IFT43: variants seen among roughly 807,000 people sequenced by gnomAD.
IFT43 encodes the protein intraflagellar transport 43, also known as intraflagellar transport protein 43 homolog.
In IFT43, 33 loss-of-function variants were observed where a neutral mutation model predicts 32.3. The ratio of observed to expected loss-of-function variants is 1.02; its 90% CI spans 0.77 to 1.37. The LOEUF is 1.37. IFT43 is among the 40% of genes most tolerant of loss of function. The pLI is 0.00. For synonymous variants in IFT43, 93 were observed against 98.2 expected (o/e 0.95, Z 0.31); for missense variants, 274 against 265.9 (o/e 1.03, Z -0.21).
chr14:76,058,035 A>G (rs1426215983), intron 3 of IFT43: 1 of 154,498 alleles, frequency 6.5e-6, no homozygotes, highest in East Asian at 1.9e-4. Flanking sequence ...AGGCCCACCA[A>G]TCTGTGTATC....
In IFT43 at chr14:76,020,863, C is replaced by G. The variant is rs13379348; in HGVS notation, c.148-1464C>G. On this transcript the variant is annotated intron_variant, in intron 2 of 8. Transcript: ENST00000314067. ...GGCCTCCAGTGCCTTGCTCAGGTGC[C>G]GGGGGTGGCAGTGGTGGGCCAGGTG... Among the ~76,000 whole-genome samples the G allele has an allele frequency of 1.5e-3, 228 of 152,002 alleles. 1 individual carries two copies. Among genetic ancestry groups the G allele is most frequent in the Middle Eastern group, 6.8e-3 (2 of 294 alleles).
intron 7 of IFT43, among the ~76,000 whole-genome samples, 153 bp downstream of exon 7, chr14:76,082,845 A>T (rs2140100491): frequency 6.6e-6 from 1 of 152,240 alleles, no homozygotes; most frequent in Admixed American, 6.5e-5. Context: ...AGGTTTTATC[A>T]TCATTCATCT....
At chr14:76,025,626 A>G (rs1356886693) in intron 3 of IFT43, among the ~76,000 whole-genome samples, 1 of 152,176 alleles carries the variant, frequency 6.6e-6, no homozygotes, top group African/African-American at 2.4e-5. Flanking sequence ...CCAATAGAAC[A>G]GAATAGAGAA....
rs1162371057 is a variant in IFT43, at chr14:75,999,227, TTATATATATA to T, written c.147+10286_147+10295del. ...ATATTCATTTATATATAAATTCATT[TTATATATATA>T]TATATATATATATATATATATATAT... is the stretch of plus-strand genomic sequence containing the variant. On this transcript the variant is annotated intron_variant, in intron 2 of 8. Coordinates refer to ENST00000314067, the MANE Select transcript of IFT43 (RefSeq NM_001102564.3). Among the ~76,000 whole-genome samples the T allele has an allele frequency of 3.1e-3, 294 of 96,004 alleles. 9 individuals are homozygous for T. The highest frequency in any genetic ancestry group is 3.4e-3 in the Non-Finnish European group (177 of 51,962). The allele number at this position is 96,004 out of a possible 152,430, so 63.0% of individuals were successfully genotyped here.
chr14:76,008,753 A>G (rs1011952449), intron 2 of IFT43, among the ~76,000 whole-genome samples: 1 of 152,216 alleles, frequency 6.6e-6, no homozygotes. Context: ...AGCATGCAGT[A>G]AAGACACAGC....
intron 5 of IFT43, among the ~76,000 whole-genome samples, chr14:76,073,860 C>T (rs2037366145): frequency 6.6e-6 from 1 of 152,112 alleles, no homozygotes; most frequent in Non-Finnish European, 1.5e-5. Flanking sequence ...CCCGTTCTCC[C>T]CCTCCCCCCG....
At chr14:76,053,983 T>C (rs1282925549) in intron 3 of IFT43, among the ~76,000 whole-genome samples, 2 of 152,182 alleles carry the variant, frequency 1.3e-5, no homozygotes, top group African/African-American at 4.8e-5. Context: ...TCTCATCCTT[T>C]AGGTCAAGTC....
intron 2 of IFT43, among the ~76,000 whole-genome samples, chr14:76,002,315 G>A (rs1040765799): frequency 1.3e-5 from 2 of 151,660 alleles, no homozygotes; most frequent in African/African-American, 2.4e-5. Context: ...TTCAACCCAA[G>A]TTTAGAGGGG....
At chr14:76,031,637 T>A (rs2139983440) in intron 3 of IFT43, among the ~76,000 whole-genome samples, 1 of 152,368 alleles carries the variant, frequency 6.6e-6, no homozygotes, top group Middle Eastern at 3.4e-3. Context: ...AAATCCTGTC[T>A]GCTTCTTAGA....
intron 5 of IFT43, among the ~76,000 whole-genome samples, chr14:76,078,289 T>G (rs2037446737): frequency 6.6e-6 from 1 of 152,240 alleles, no homozygotes; most frequent in Non-Finnish European, 1.5e-5. Context: ...TATTACTACC[T>G]ATAATGTTAC....
intron 2 of IFT43, among the ~76,000 whole-genome samples, chr14:76,019,153 T>C (rs182585305): frequency 1.3e-5 from 2 of 152,320 alleles, no homozygotes; most frequent in Admixed American, 1.3e-4. Flanking sequence ...GAATTCTTTC[T>C]CTTTCCCATT....
intron 3 of IFT43, among the ~76,000 whole-genome samples, chr14:76,035,017 G>A (rs2036572838): frequency 6.6e-6 from 1 of 152,198 alleles, no homozygotes. Flanking sequence ...GTCTGTTTTT[G>A]GGTTTGTCCC....
At chr14:76,058,091 C>A in intron 3 of IFT43, 1 of 171,132 alleles carries the variant, frequency 5.8e-6, no homozygotes, top group Non-Finnish European at 1.2e-5. Flanking sequence ...CGTGTGAGAA[C>A]CACTACCATA....
chr14:75,990,526 G>A (rs1330308932), intron 2 of IFT43, among the ~76,000 whole-genome samples: 2 of 152,218 alleles, frequency 1.3e-5, no homozygotes, highest in Non-Finnish European at 1.5e-5. Context: ...GGCAGAATAG[G>A]CCTGCAATTG....
chr14:76,037,950 A>G (rs1423640309), intron 3 of IFT43: 1 of 152,236 alleles, frequency 6.6e-6, no homozygotes, highest in Non-Finnish European at 1.5e-5. Flanking sequence ...GATTTCCAGT[A>G]AAGTAAAAGG....
At chr14:75,988,094 C>CT (rs2035563947) in intron 1 of IFT43, among the ~76,000 whole-genome samples, 4 of 152,340 alleles carry the variant, frequency 2.6e-5, no homozygotes, top group Non-Finnish European at 5.9e-5. Context: ...TCTGCCCATT[C>CT]TAGAGGAATT....
chr14:76,012,505 C>T (rs1172758189), intron 2 of IFT43, among the ~76,000 whole-genome samples: 1 of 152,236 alleles, frequency 6.6e-6, no homozygotes, highest in African/African-American at 2.4e-5. Flanking sequence ...CCGCCAGTCA[C>T]GTGCTTCCAA....
At chr14:76,023,724 A>C (rs1285400526) in intron 3 of IFT43, among the ~76,000 whole-genome samples, 1 of 152,230 alleles carries the variant, frequency 6.6e-6, no homozygotes, top group African/African-American at 2.4e-5. Context: ...TTATGGTGCC[A>C]TAAATGCTTC....
At chr14:76,033,844 TAGTA>T (rs2036550847) in intron 3 of IFT43, among the ~76,000 whole-genome samples, 1 of 152,104 alleles carries the variant, frequency 6.6e-6, no homozygotes, top group African/African-American at 2.4e-5. Flanking sequence ...AAGGTGCACA[TAGTA>T]AGTGAGGAAC....
Sources: gnomAD v4.1 joint callset for allele counts (sites outside exome capture counted in the v4.1 genomes callset) on GRCh38, gnomAD v4.1.1 for gene constraint, MANE v1.5 for transcripts, NCBI Gene and HGNC (gene_info 2026-07-23, HGNC 2026-07-21) for gene names.